PCDH7: variants seen among roughly 807,000 people sequenced by gnomAD.
The protein encoded by PCDH7 is protocadherin 7.
PCDH7 carries 17 observed loss-of-function variants against 58.9 expected under a neutral mutation model. That is an observed-to-expected ratio of 0.29 (90% confidence interval 0.20 to 0.43). The LOEUF (loss-of-function observed/expected upper bound fraction) is 0.43. Ranked by LOEUF, PCDH7 falls within the 20% of genes least tolerant of loss-of-function variation. The pLI, the probability that PCDH7 is intolerant of heterozygous loss-of-function variation, is 1.00. For synonymous variants in PCDH7, 664 were observed against 616.4 expected, an observed-to-expected ratio of 1.08 and a Z score of -1.14; for missense variants, 1,274 against 1,441.0, an observed-to-expected ratio of 0.88 and a Z score of 1.88.
At chr4:31,128,892 G>A (rs1718637289) in intron 3 of PCDH7, among the ~76,000 whole-genome samples, 1 of 152,208 alleles carries the variant, frequency 6.6e-6, no homozygotes, top group South Asian at 2.1e-4. Flanking sequence ...TGAGGAGAGT[G>A]AGTGGTGAAG....
At chr4:30,778,683 T>A (rs1443345737) in intron 1 of PCDH7, among the ~76,000 whole-genome samples, 1 of 152,188 alleles carries the variant, frequency 6.6e-6, no homozygotes, top group Non-Finnish European at 1.5e-5. Flanking sequence ...ATATTATTAA[T>A]GCAAAATTTG....
At chr4:31,078,400 A>C (rs912764830) in intron 3 of PCDH7, among the ~76,000 whole-genome samples, 2 of 152,008 alleles carry the variant, frequency 1.3e-5, no homozygotes, top group African/African-American at 2.4e-5. Flanking sequence ...TTCCCACTTC[A>C]GCCTCCCAAG....
intron 3 of PCDH7, among the ~76,000 whole-genome samples, chr4:31,121,990 C>T (rs1717745726): frequency 6.6e-6 from 1 of 151,904 alleles, no homozygotes; most frequent in African/African-American, 2.4e-5. Flanking sequence ...ACAATGTAGC[C>T]AGAAGTTTTC....
intron 1 of PCDH7, among the ~76,000 whole-genome samples, chr4:30,763,696 G>A (rs1282625811): frequency 6.6e-6 from 1 of 152,130 alleles, no homozygotes; most frequent in Non-Finnish European, 1.5e-5. Flanking sequence ...TTTCATTAAT[G>A]ATGAAATAGG....
intron 2 of PCDH7, among the ~76,000 whole-genome samples, chr4:30,937,971 A>G (rs1560517473): frequency 6.6e-6 from 1 of 151,692 alleles, no homozygotes; most frequent in Non-Finnish European, 1.5e-5. Context: ...TCATCTGCCA[A>G]TTCTGCTCCT....
At chr4:31,100,353 A>G (rs1283938242) in intron 3 of PCDH7, among the ~76,000 whole-genome samples, 5 of 152,220 alleles carry the variant, frequency 3.3e-5, no homozygotes, top group African/African-American at 7.2e-5. Flanking sequence ...GAATGACCAC[A>G]TATTTCTGTT....
chr4:30,853,936 C>A (rs2109348697), intron 1 of PCDH7, among the ~76,000 whole-genome samples: 1 of 152,040 alleles, frequency 6.6e-6, no homozygotes, highest in African/African-American at 2.4e-5. Context: ...TTTAAATCAA[C>A]CATGCAGCCC....
chr4:31,008,373 A>T (rs564502712), intron 3 of PCDH7, among the ~76,000 whole-genome samples: 163 of 152,268 alleles, frequency 1.1e-3, no homozygotes, highest in African/African-American at 3.7e-3. Context: ...GTAAAAATAG[A>T]CTTATTTTAA....
At chr4:31,146,030 G>T (rs928238210), downstream of PCDH7, 5 of 151,938 alleles carry the variant, frequency 3.3e-5, no homozygotes, top group Non-Finnish European at 7.4e-5. Context: ...AACGTCTGTA[G>T]CTTCAATCTA....
At chr4:30,746,600 A>G (rs1717809330) in intron 1 of PCDH7, among the ~76,000 whole-genome samples, 1 of 152,174 alleles carries the variant, frequency 6.6e-6, no homozygotes, top group African/African-American at 2.4e-5. Context: ...AAAGTCTTGC[A>G]GAATCTCTGT....
At chr4:31,129,108 T>C (rs1298505102) in intron 3 of PCDH7, among the ~76,000 whole-genome samples, 3 of 152,188 alleles carry the variant, frequency 2.0e-5, no homozygotes, top group Non-Finnish European at 2.9e-5. Context: ...AGGCCCTTAA[T>C]GAGCATGGGA....
intron 1 of PCDH7, among the ~76,000 whole-genome samples, chr4:30,905,158 C>T (rs1207291482): frequency 1.3e-5 from 2 of 152,102 alleles, no homozygotes; most frequent in African/African-American, 4.8e-5. Flanking sequence ...CAATTGATTC[C>T]AATGCTCATG....
intron 3 of PCDH7, among the ~76,000 whole-genome samples, chr4:30,975,561 A>C (rs2109478773): frequency 6.6e-6 from 1 of 152,264 alleles, no homozygotes; most frequent in Middle Eastern, 3.4e-3. Context: ...TTATGTTTTT[A>C]AGTTACTTTT....
chr4:30,833,911 G>A (rs996840380), intron 1 of PCDH7, among the ~76,000 whole-genome samples: 16 of 152,186 alleles, frequency 1.1e-4, no homozygotes, highest in Admixed American at 9.2e-4. Context: ...CAAGAGAGTT[G>A]TCTGTCAAAT....
chr4:30,834,210 G>C (rs573917098), intron 1 of PCDH7, among the ~76,000 whole-genome samples: 1 of 152,098 alleles, frequency 6.6e-6, no homozygotes, highest in Non-Finnish European at 1.5e-5. Context: ...AAGTCACACA[G>C]GACCTTGCAC....
intron 1 of PCDH7, among the ~76,000 whole-genome samples, chr4:30,741,970 G>T (rs927752373): frequency 1.3e-5 from 2 of 152,158 alleles, no homozygotes; most frequent in Non-Finnish European, 2.9e-5. Context: ...TTTATGATTT[G>T]CTCTGTGTCT....
intron 3 of PCDH7, among the ~76,000 whole-genome samples, chr4:30,982,298 C>T (rs548965213): frequency 1.3e-5 from 2 of 152,098 alleles, no homozygotes; most frequent in Non-Finnish European, 2.9e-5. Flanking sequence ...TCTCTAGCCC[C>T]GTTGTCTTTT....
At chr4:31,078,585 C>T (rs1372657251) in intron 3 of PCDH7, among the ~76,000 whole-genome samples, 1 of 147,656 alleles carries the variant, frequency 6.8e-6, no homozygotes, top group Admixed American at 6.9e-5. Flanking sequence ...CCTGCTTTGG[C>T]TCCCAAAGGG....
chr4:30,979,824 A>T (rs561876893), intron 3 of PCDH7, among the ~76,000 whole-genome samples: 1 of 152,142 alleles, frequency 6.6e-6, no homozygotes, highest in South Asian at 2.1e-4. Flanking sequence ...TTTCCTATTG[A>T]GCCTGATTTT....
Sources: allele counts gnomAD v4.1 joint callset (sites outside exome capture counted in the v4.1 genomes callset), GRCh38; gene constraint gnomAD v4.1.1; transcripts MANE v1.5; gene names NCBI Gene and HGNC (gene_info 2026-07-23, HGNC 2026-07-21).